Variants in AKR7A2 observed in about 807,000 individuals in gnomAD.
AKR7A2 encodes the protein aldo-keto reductase family 7 member A2.
In AKR7A2, 29 loss-of-function variants were observed where a neutral mutation model predicts 37.3. The ratio of observed to expected loss-of-function variants is 0.78; its 90% CI spans 0.58 to 1.06. The LOEUF (loss-of-function observed/expected upper bound fraction) is 1.06, where lower values mean the gene tolerates loss of function less well. AKR7A2 is among the 50% of genes least tolerant of loss of function. The probability of loss-of-function intolerance (pLI) is 0.00; values close to 1 mark genes in which losing one functional copy is unlikely to be tolerated. For missense variants in AKR7A2, 529 were observed against 497.9 expected, an observed-to-expected ratio of 1.06 and a Z score of -0.59; for synonymous variants, 228 against 217.8, an observed-to-expected ratio of 1.05 and a Z score of -0.41.
intron 6 of AKR7A2, 152 bp from the exon 7 acceptor site, chr1:19,304,538 G>A: frequency 7.5e-7 from 1 of 1,328,630 alleles, no homozygotes; most frequent in South Asian, 1.2e-5. Context: ...TTGGATAGCT[G>A]TACCCACGTG....
rs776044049 is a variant in AKR7A2 at position 19,307,043 on chromosome 1, G to C, written c.747C>G (p.Gly249=). 1.2e-6 allele frequency: 2 copies of C among 1,614,230 alleles called. No individual in the cohort carries two copies. The highest frequency in any genetic ancestry group is 1.7e-6 in the Non-Finnish European group (2 of 1,180,042). Residue 249 remains glycine, a synonymous_variant, in exon 5 of 7, where the codon GGC becomes GGG. Transcript: ENST00000235835. ...YEDKDGKQPV[G]RFFGNSWAET... is the part of the protein sequence containing the mutation. Reference sequence around the variant, plus strand: ...CAGCCCAGCTATTCCCAAAGAAGCGGCCCACAGGCTGTTTCCCGTCCTTGT... The same window carrying C: ...CAGCCCAGCTATTCCCAAAGAAGCGCCCCACAGGCTGTTTCCCGTCCTTGT...
In AKR7A2 at chr1:19,304,723, C is replaced by A. The variant is rs181703316; in HGVS notation, c.919-337G>T. Among the ~76,000 whole-genome samples the A allele has an allele frequency of 3.9e-5, 6 of 152,210 alleles. No homozygotes were observed. The East Asian group carries it at 9.7e-4, about 24-fold the overall frequency. ...GGTCAAGGTGGGAAGAACACTTGAGCCAAAGTGTTCAAGACCAGCCTGGGC... is the reference window on the plus strand; with the variant it reads ...GGTCAAGGTGGGAAGAACACTTGAGACAAAGTGTTCAAGACCAGCCTGGGC... On this transcript the variant is annotated intron_variant, in intron 6 of 6. Transcript: ENST00000235835.
downstream of AKR7A2, among the ~76,000 whole-genome samples, chr1:19,303,103 C>T (rs139142722): frequency 3.6e-3 from 534 of 150,290 alleles, 5 homozygotes; most frequent in African/African-American, 0.013. Flanking sequence ...ACAGAAAAGA[C>T]GGTGACAACA....
In AKR7A2 at chr1:19,312,083, G is replaced by C; in HGVS notation, c.42C>G (p.Val14=). 3.0e-6 allele frequency: 4 copies of C among 1,343,016 alleles called. No homozygotes were observed. In the South Asian group the frequency reaches 6.0e-5, roughly 20 times the overall value. 83.2% of individuals were successfully genotyped at this position (1,343,016 alleles called of 1,614,324 possible). The change falls in exon 1 of 7, where the codon GTC becomes GTG. Residue 14 remains valine (V), a synonymous_variant. Coordinates refer to ENST00000235835, the MANE Select transcript of AKR7A2 (RefSeq NM_003689.4). ...AASRVVSRAA[V]HCALRSPPPE... The stretch of plus-strand genomic sequence containing the variant: ...GCGGCGGAGAGCGAAGCGCGCAGTG[G>C]ACGGCGGCGCGGGAGACTACGCGAG...
In AKR7A2 at chr1:19,312,134, G is replaced by T; in HGVS notation, c.-10C>A. The T allele has an allele frequency of 1.6e-6, 2 of 1,267,800 alleles. No individual in the cohort carries two copies. Among genetic ancestry groups the T allele is most frequent in the Non-Finnish European group, 2.0e-6 (2 of 1,012,402 alleles). 78.5% of individuals were successfully genotyped at this position (1,267,800 alleles called of 1,614,324 possible). On this transcript the variant is annotated 5_prime_UTR_variant, in exon 1 of 7. Transcript: ENST00000235835. The stretch of plus-strand genomic sequence containing the variant: ...ACGCGGCACTCAGCATAGCAGCGGC[G>T]CCTGCGCGTTGGGAGCCGGGGGCCC...
At chr1:19,310,656 A>T (rs2093771478) in intron 1 of AKR7A2, among the ~76,000 whole-genome samples, 1 of 152,192 alleles carries the variant, frequency 6.6e-6, no homozygotes, top group African/African-American at 2.4e-5. Flanking sequence ...TGGGTGACAG[A>T]GCAAGATTCC....
chr1:19,308,366 G>A (rs2093765853), intron 2 of AKR7A2, 89 bp downstream of exon 2: 1 of 1,594,534 alleles, frequency 6.3e-7, no homozygotes, highest in Middle Eastern at 1.8e-4. Context: ...CCCACCCTGG[G>A]ACTGCCCTGG....
chr1:19,311,961 G>A lies in AKR7A2; in HGVS notation c.164C>T (p.Ala55Val), dbSNP rs1470636933. 1.9e-6 allele frequency: 3 copies of A among 1,579,808 alleles called. No individual in the cohort carries two copies. The highest frequency in any genetic ancestry group is 1.7e-6 in the Non-Finnish European group (2 of 1,164,400). The change falls in exon 1 of 7, where the codon GCC becomes GTC. Residue 55 changes from alanine to valine, a missense_variant. Transcript: ENST00000235835. The stretch of plus-strand genomic sequence containing the variant: ...AAAGGCGCGCACGGCCGCGGCGCTG[G>A]CGGGCGCGTCCATGCGGCGCCCCAT... ...MEMGRRMDAPASAAAVRAFLE... is the reference protein window; with the variant it reads ...MEMGRRMDAPVSAAAVRAFLE...
At position 19,306,070 on chromosome 1, in the gene AKR7A2, G is replaced by C. The variant is rs771709432; in HGVS notation, c.866C>G (p.Pro289Arg). 1 of 1,614,160 alleles carries C rather than the reference G, an allele frequency of 6.2e-7. No homozygotes were observed. The highest frequency in any genetic ancestry group is 1.1e-5 in the South Asian group (1 of 91,080). The part of the protein sequence containing the change: ...ALQAAYGASA[P>R]SVTSAALRWM... ...CCGGAGGGCAGCCGAGGTCACACTG[G>C]GGGCGCTGGCGCCATATGCGGCCTG... The change falls in exon 6 of 7, where the codon CCC becomes CGC. Residue 289 changes from proline (P) to arginine (R), a missense_variant. By Grantham distance (103) the Pro-to-Arg change is moderately radical. Coordinates refer to ENST00000235835, the MANE Select transcript of AKR7A2 (RefSeq NM_003689.4).
rs377217513 is a variant in AKR7A2, at chr1:19,308,254, G to T, written c.495C>A (p.Phe165Leu). The T allele has an allele frequency of 6.2e-7, 1 of 1,614,192 alleles. No individual in the cohort carries two copies. The highest frequency in any genetic ancestry group is 2.2e-5 in the East Asian group (1 of 44,882). ...ACQRLHQEGK[F>L]VELGLSNYAS... ...CATAGTTGGAGAGGCCAAGCTCCACGAACTTGCCCTGCATGGGTGAGGCTC... is the reference window on the plus strand; with the variant it reads ...CATAGTTGGAGAGGCCAAGCTCCACTAACTTGCCCTGCATGGGTGAGGCTC... The change falls in exon 3 of 7, where the codon TTC becomes TTA. Residue 165 changes from phenylalanine to leucine, a missense_variant. Phe to Leu is a conservative substitution (Grantham distance 22). Transcript: ENST00000235835.
chr1:19,312,052 C>A lies in AKR7A2; in HGVS notation c.73G>T (p.Ala25Ser). The change falls in exon 1 of 7, where the codon GCC becomes TCC. Residue 25 changes from alanine to serine, a missense_variant. Transcript: ENST00000235835. ...HCALRSPPPE[A>S]RALAMSRPPP... ...GGCCGGGACATGGCGAGCGCGCGGG[C>A]CTCGGGCGGCGGAGAGCGAAGCGCG... 3.6e-6 allele frequency: 5 copies of A among 1,371,634 alleles called. No homozygotes were observed. The highest frequency in any genetic ancestry group is 3.7e-5 in the Admixed American group (1 of 26,716). The allele number at this position is 1,371,634 out of a possible 1,614,324, so 85.0% of individuals were successfully genotyped here.
chr1:19,307,180 G>C (rs2093763184), intron 4 of AKR7A2, 79 bp from the exon 5 acceptor site: 1 of 1,591,060 alleles, frequency 6.3e-7, no homozygotes, highest in East Asian at 2.2e-5. Flanking sequence ...TGGTCTAGGG[G>C]AGGGGCAGGG....
Position 19,312,108 on chromosome 1 carries a change from G to A in AKR7A2, c.17C>T (p.Ser6Phe). 3 of 1,326,790 alleles carry A rather than the reference G, an allele frequency of 2.3e-6. No individual in the cohort carries two copies. Among genetic ancestry groups the A allele is most frequent in the Non-Finnish European group, 2.9e-6 (3 of 1,047,902 alleles). The allele number at this position is 1,326,790 out of a possible 1,614,324, so 82.2% of individuals were successfully genotyped here. The change falls in exon 1 of 7, where the codon TCT becomes TTT. Residue 6 changes from serine to phenylalanine, a missense_variant. Physicochemically the swap from Ser to Phe is radical, Grantham distance 155 (BLOSUM62 -2). Transcript: ENST00000235835. MLSAA[S>F]RVVSRAAVHC... ...GACGGCGGCGCGGGAGACTACGCGA[G>A]ACGCGGCACTCAGCATAGCAGCGGC...
At chr1:19,310,701 T>C (rs1014272082) in intron 1 of AKR7A2, among the ~76,000 whole-genome samples, 2 of 152,036 alleles carry the variant, frequency 1.3e-5, no homozygotes, top group Non-Finnish European at 2.9e-5. Flanking sequence ...AACAACAACA[T>C]GCAGCCAGGT....
chr1:19,307,457 G>A, intron 3 of AKR7A2, 47 bp from the exon 4 acceptor site: 5 of 1,602,612 alleles, frequency 3.1e-6, no homozygotes, highest in Non-Finnish European at 4.3e-6. Flanking sequence ...GTCAAGAGAA[G>A]GAACTGTTGC....
At chr1:19,305,962 G>T in intron 6 of AKR7A2, 56 bp downstream of exon 6, 6 of 1,612,522 alleles carry the variant, frequency 3.7e-6, no homozygotes, top group Non-Finnish European at 5.1e-6. Context: ...TTCACCTAAA[G>T]GTGACGCTGG....
intron 5 of AKR7A2, 38 bp from the exon 6 acceptor site, chr1:19,306,185 T>C: frequency 3.1e-6 from 5 of 1,613,812 alleles, no homozygotes; most frequent in South Asian, 1.1e-5. Flanking sequence ...GTCAGTACCA[T>C]GGGGGTCACA....
chr1:19,307,414 C>T lies in AKR7A2; in HGVS notation c.592-4G>A. 6.2e-7 allele frequency: 1 copy of T among 1,614,142 alleles called. No individual in the cohort carries two copies. Among genetic ancestry groups the T allele is most frequent in the Non-Finnish European group, 8.5e-7 (1 of 1,179,990 alleles). ...GGGTGGTGGCGTTGTACATGCCCTG[C>T]AGGGAGAGGGACCCCGGGGACAGGG... is the stretch of plus-strand genomic sequence containing the variant. On this transcript the variant is annotated splice_region_variant and splice_polypyrimidine_tract_variant and intron_variant, in intron 3 of 6. Transcript: ENST00000235835.
In AKR7A2 at chr1:19,308,486, G is replaced by A. The variant is rs748214928; in HGVS notation, c.455C>T (p.Thr152Met). 2.1e-5 allele frequency: 34 copies of A among 1,614,124 alleles called. No individual in the cohort carries two copies. Among genetic ancestry groups the A allele is most frequent in the South Asian group, 7.7e-5 (7 of 91,080 alleles). Residue 152 changes from threonine (T) to methionine (M), a missense_variant, in exon 2 of 7, where the codon ACG becomes ATG. Transcript: ENST00000235835. ...GTGCAGCCGCTGGCAGGCATGCAGCGTCTCTTCCACCGGGGTGCCGTGGTC... is the reference window on the plus strand; with the variant it reads ...GTGCAGCCGCTGGCAGGCATGCAGCATCTCTTCCACCGGGGTGCCGTGGTC... ...APDHGTPVEE[T>M]LHACQRLHQE...
Sources: gnomAD v4.1 joint callset for allele counts (sites outside exome capture counted in the v4.1 genomes callset) on GRCh38, gnomAD v4.1.1 for gene constraint, MANE v1.5 for transcripts, NCBI Gene and HGNC (gene_info 2026-07-23, HGNC 2026-07-21) for gene names.